The following TUSC7 variants were observed in gnomAD, a reference collection of about 807,000 sequenced individuals.
TUSC7 encodes the protein tumor suppressor candidate 7, also known as LSAMP antisense RNA 3.
At chr3:116,714,376 A>G (rs766932619) in intron 1 of TUSC7, among the ~76,000 whole-genome samples, 30 of 152,228 alleles carry the variant, frequency 2.0e-4, no homozygotes, top group Non-Finnish European at 4.3e-4. Context: ...AGTACCATCT[A>G]CTTAGAGCTA....
chr3:116,716,375 G>C (rs532257231), intron 1 of TUSC7: 1 of 152,256 alleles, frequency 6.6e-6, no homozygotes, highest in East Asian at 1.9e-4. Flanking sequence ...TGGCAGTTTG[G>C]GGAGGTGGAG....
intron 1 of TUSC7, chr3:116,716,870 C>T (rs1263481875): frequency 6.6e-6 from 1 of 152,064 alleles, no homozygotes; most frequent in African/African-American, 2.4e-5. Context: ...TCCTGTTTTG[C>T]AAAACAGCTT....
chr3:116,710,239 T>A (rs2051451474), intron 1 of TUSC7: 1 of 152,174 alleles, frequency 6.6e-6, no homozygotes, highest in Non-Finnish European at 1.5e-5. Context: ...CCATTCTATC[T>A]ACTCCCTCTC....
chr3:116,716,791 T>C (rs897863164), intron 1 of TUSC7: 2 of 152,160 alleles, frequency 1.3e-5, no homozygotes, highest in African/African-American at 4.8e-5. Context: ...AAACCCTCAA[T>C]GAATGCCAGT....
Position 116,710,789 on chromosome 3 carries a change from C to T in TUSC7, n.98+913C>T, listed in dbSNP as rs138555660. ...ATGTAAAGAGACATGATTACCTTTA[C>T]CACAAAATGAAAAACAATAAGGAGT... is the stretch of plus-strand genomic sequence containing the variant. On this transcript the variant is annotated intron_variant and non_coding_transcript_variant, in intron 1 of 2. Coordinates refer to ENST00000477805, the Ensembl canonical transcript of TUSC7. Among the ~76,000 whole-genome samples, 380 of 152,098 alleles carry T rather than the reference C, an allele frequency of 2.5e-3. 1 individual carries two copies. The highest frequency in any genetic ancestry group is 9.0e-3 in the African/African-American group (373 of 41,496).
At chr3:116,711,328 C>G (rs1401735642) in intron 1 of TUSC7, among the ~76,000 whole-genome samples, 1 of 152,134 alleles carries the variant, frequency 6.6e-6, no homozygotes, top group Admixed American at 6.6e-5. Context: ...AGTAGAGTAA[C>G]AGATGGGTTG....
intron 1 of TUSC7, chr3:116,710,416 G>A (rs1035810541): frequency 6.6e-6 from 1 of 152,122 alleles, no homozygotes; most frequent in African/African-American, 2.4e-5. Flanking sequence ...TGTGGGAGAG[G>A]AGCAGGTATA....
intron 1 of TUSC7, among the ~76,000 whole-genome samples, chr3:116,710,871 A>G (rs952547792): frequency 4.6e-5 from 7 of 152,132 alleles, no homozygotes; most frequent in African/African-American, 4.8e-5. Context: ...TTAACCCCAT[A>G]GATATTCCTG....
At chr3:116,714,038 G>T (rs2051485133) in intron 1 of TUSC7, 1 of 152,082 alleles carries the variant, frequency 6.6e-6, no homozygotes, top group Non-Finnish European at 1.5e-5. Context: ...GGTTCATACA[G>T]TGACTTCCTA....
chr3:116,714,811 C>A (rs765575147), intron 1 of TUSC7, among the ~76,000 whole-genome samples: 99 of 152,288 alleles, frequency 6.5e-4, no homozygotes, highest in Non-Finnish European at 8.7e-4. Context: ...ACATCTGTTA[C>A]AATTGATGAA....
At chr3:116,710,956 G>A (rs149241002) in intron 1 of TUSC7, among the ~76,000 whole-genome samples, 238 of 152,220 alleles carry the variant, frequency 1.6e-3, no homozygotes, top group Non-Finnish European at 2.7e-3. Context: ...GCTTCCCAAG[G>A]TCACATGGCT....
intron 1 of TUSC7, chr3:116,716,316 T>C (rs1309010033): frequency 6.6e-6 from 1 of 152,182 alleles, no homozygotes; most frequent in Admixed American, 6.5e-5. Flanking sequence ...CGGTCTTTTA[T>C]CCTTCCTTGT....
Position 116,715,703 on chromosome 3 carries a change from G to T in TUSC7, n.99-2058G>T, listed in dbSNP as rs1422094861. Among the ~76,000 whole-genome samples, 3 of 152,090 alleles carry T rather than the reference G, an allele frequency of 2.0e-5. No homozygotes were observed. The East Asian group carries it at 5.8e-4, about 29-fold the overall frequency. ...TATTGTTGAATTTTAGGTGTTCTTT[G>T]CATAATTTTGATATAGTCATTTATC... is the stretch of plus-strand genomic sequence containing the variant. On this transcript the variant is annotated intron_variant and non_coding_transcript_variant, in intron 1 of 2. Transcript: ENST00000477805.
chr3:116,714,403 T>G (rs2051487951), intron 1 of TUSC7, among the ~76,000 whole-genome samples: 1 of 152,238 alleles, frequency 6.6e-6, no homozygotes, highest in African/African-American at 2.4e-5. Flanking sequence ...ATCTTAGATT[T>G]TAGATATCTG....
At chr3:116,713,375 G>A (rs751042594) in intron 1 of TUSC7, among the ~76,000 whole-genome samples, 4 of 152,136 alleles carry the variant, frequency 2.6e-5, no homozygotes, top group Admixed American at 6.5e-5. Context: ...AATGCAAGAC[G>A]TTGAGACCCA....
chr3:116,717,015 A>C (rs1381144894), intron 1 of TUSC7: 11 of 152,164 alleles, frequency 7.2e-5, no homozygotes, highest in Admixed American at 7.2e-4. Context: ...CTTCAAATAA[A>C]ATGATGACTA....
intron 1 of TUSC7, among the ~76,000 whole-genome samples, chr3:116,715,787 G>C (rs2051500268): frequency 6.6e-6 from 1 of 151,888 alleles, no homozygotes; most frequent in Admixed American, 6.6e-5. Flanking sequence ...TTATTCTCTT[G>C]ATCCAGATAC....
At chr3:116,713,425 T>C (rs1396081126) in intron 1 of TUSC7, among the ~76,000 whole-genome samples, 1 of 152,204 alleles carries the variant, frequency 6.6e-6, no homozygotes, top group East Asian at 1.9e-4. Flanking sequence ...ATATTTACCA[T>C]ATAACCTGAA....
chr3:116,710,936 A>G (rs377235858), intron 1 of TUSC7, among the ~76,000 whole-genome samples: 138 of 152,246 alleles, frequency 9.1e-4, no homozygotes, highest in African/African-American at 3.3e-3. Context: ...AAACTGCATT[A>G]ACAAAGAGTG....
Sources: allele counts gnomAD v4.1 joint callset (sites outside exome capture counted in the v4.1 genomes callset), GRCh38; gene constraint gnomAD v4.1.1; transcripts MANE v1.5; gene names NCBI Gene and HGNC (gene_info 2026-07-23, HGNC 2026-07-21).